CPA5: variants seen among roughly 807,000 people sequenced by gnomAD.
CPA5 encodes the protein carboxypeptidase A5, also known as testicular tissue protein Li 32.
CPA5 carries 38 observed loss-of-function variants against 52.2 expected under a neutral mutation model. That is an observed-to-expected ratio of 0.73 (90% CI 0.56 to 0.95). The LOEUF (loss-of-function observed/expected upper bound fraction) is 0.95. Ranked by LOEUF, CPA5 falls within the 40% of genes least tolerant of loss-of-function variation. The pLI is 0.00. For synonymous variants in CPA5, 198 were observed against 213.7 expected, an observed-to-expected ratio of 0.93 and a Z score of 0.64; for missense variants, 519 against 566.7, an observed-to-expected ratio of 0.92 and a Z score of 0.86.
intron 12 of CPA5, 64 bp downstream of exon 12, chr7:130,368,054 G>C: frequency 2.0e-6 from 3 of 1,473,988 alleles, no homozygotes; most frequent in Non-Finnish European, 2.8e-6. Context: ...CTGCAGGGCA[G>C]TGCCAAGGAT....
At chr7:130,358,822 G>A (rs1554405834) in intron 5 of CPA5, among the ~76,000 whole-genome samples, 1 of 152,182 alleles carries the variant, frequency 6.6e-6, no homozygotes, top group Admixed American at 6.5e-5. Flanking sequence ...GTGAGTGAGT[G>A]GTTAACCCAA....
In CPA5 at chr7:130,350,062, C is replaced by G. The variant is rs1795036033; in HGVS notation, c.286C>G (p.Leu96Val). 6.2e-7 allele frequency: 1 copy of G among 1,614,042 alleles called. No homozygotes were observed. ...FSELKDIKAY[L>V]ESHGLAYSIM... ...TGAACTGAAAGACATCAAAGCTTAT[C>G]TGGAGTCTCATGGACTTGCTTACAG... The change falls in exon 5 of 13, where the codon CTG (leucine) becomes GTG (valine). Residue 96 changes from leucine (L) to valine (V), a missense_variant. Transcript: ENST00000474905.
At chr7:130,366,152 C>T (rs531517544) in intron 10 of CPA5, among the ~76,000 whole-genome samples, 52 of 152,184 alleles carry the variant, frequency 3.4e-4, no homozygotes, top group Non-Finnish European at 3.2e-4. Context: ...CCCTCCCACC[C>T]GTGCCTGGCC....
In CPA5 at chr7:130,368,663, A is replaced by C; in HGVS notation, c.*66A>C. ...GGTCTGTGGCTCCTCCCGAAACCCA[A>C]GTTATGCATCCCCATCCCCATGCCC... On this transcript the variant is annotated 3_prime_UTR_variant, in exon 13 of 13. Transcript: ENST00000474905. 1 of 1,519,778 alleles carries C rather than the reference A, an allele frequency of 6.6e-7. No individual in the cohort carries two copies. The highest frequency in any genetic ancestry group is 1.1e-5 in the South Asian group (1 of 88,108). 94.1% of individuals were successfully genotyped at this position (1,519,778 alleles called of 1,614,324 possible).
intron 5 of CPA5, among the ~76,000 whole-genome samples, chr7:130,350,549 T>C (rs1795069208): frequency 6.6e-6 from 1 of 152,146 alleles, no homozygotes; most frequent in Non-Finnish European, 1.5e-5. Flanking sequence ...CTTCAGAGGA[T>C]TGGGAAATGG....
intron 5 of CPA5, among the ~76,000 whole-genome samples, chr7:130,352,968 G>A (rs1210056633): frequency 6.6e-6 from 1 of 151,918 alleles, no homozygotes; most frequent in South Asian, 2.1e-4. Flanking sequence ...AGATAATTTG[G>A]AAAATAGTGG....
chr7:130,364,054 G>A (rs1554407575), intron 10 of CPA5, among the ~76,000 whole-genome samples: 1 of 152,012 alleles, frequency 6.6e-6, no homozygotes, highest in Non-Finnish European at 1.5e-5. Flanking sequence ...TTGAGACAAG[G>A]TCTCACTCTG....
At chr7:130,373,710 A>C (rs1796314967), downstream of CPA5, among the ~76,000 whole-genome samples, 1 of 152,244 alleles carries the variant, frequency 6.6e-6, no homozygotes, top group Non-Finnish European at 1.5e-5. Context: ...CCCTTTAGGA[A>C]AACAAGAAGG....
intron 6 of CPA5, among the ~76,000 whole-genome samples, chr7:130,360,648 G>A (rs1795743551): frequency 1.3e-5 from 2 of 152,220 alleles, no homozygotes; most frequent in Non-Finnish European, 2.9e-5. Flanking sequence ...GAAAGAACAA[G>A]AGAATGAAAT....
chr7:130,363,368 T>C, intron 9 of CPA5, 51 bp from the exon 10 acceptor site: 1 of 1,470,112 alleles, frequency 6.8e-7, no homozygotes, highest in Admixed American at 2.0e-5. Context: ...GAGGCTCCCA[T>C]CCCTGGGAAT....
In CPA5 at chr7:130,367,517, G is replaced by A. The variant is rs1352380933; in HGVS notation, c.984G>A (p.Met328Ile). 2 of 1,614,044 alleles carry A rather than the reference G, an allele frequency of 1.2e-6. No individual in the cohort carries two copies. Among genetic ancestry groups the A allele is most frequent in the African/African-American group, 2.7e-5 (2 of 74,926 alleles). Reference sequence around the variant, plus strand: ...TCTCCATCCACAGCTACTCTCAGATGCTTATGTACCCTTACGGCCGATTGC... The same window carrying A: ...TCTCCATCCACAGCTACTCTCAGATACTTATGTACCCTTACGGCCGATTGC... ...ALISIHSYSQ[M>I]LMYPYGRLLE... is the part of the protein sequence containing the mutation. Residue 328 changes from methionine (M) to isoleucine (I), a missense_variant, in exon 11 of 13, where the codon ATG becomes ATA. Transcript: ENST00000474905.
chr7:130,351,374 G>A (rs1554403924), intron 5 of CPA5, among the ~76,000 whole-genome samples: 1 of 152,146 alleles, frequency 6.6e-6, no homozygotes, highest in African/African-American at 2.4e-5. Flanking sequence ...GACACACAGA[G>A]GTCTCTAAAA....
chr7:130,362,543 A>G lies in CPA5; in HGVS notation c.636+4A>G, dbSNP rs1554407050. 5.0e-6 allele frequency: 8 copies of G among 1,607,858 alleles called. No homozygotes were observed. Among genetic ancestry groups the G allele is most frequent in the Non-Finnish European group, 6.8e-6 (8 of 1,174,694 alleles). ...CGGCATCTGGACTGCCAATAAGGTC[A>G]GCATGGACCTGTAGCCAAGGTGCAC... On this transcript the variant is annotated splice_donor_region_variant and intron_variant, in intron 8 of 12. Coordinates refer to ENST00000474905, the MANE Select transcript of CPA5 (RefSeq NM_080385.5).
chr7:130,345,626 ACTGT>A (rs1268246533), intron 1 of CPA5: 1 of 152,192 alleles, frequency 6.6e-6, no homozygotes, highest in Non-Finnish European at 1.5e-5. Context: ...CAGAAAACCC[ACTGT>A]CTGTGCTAGC....
chr7:130,359,802 C>CA (rs782092792), intron 6 of CPA5, 115 bp downstream of exon 6: 2 of 676,444 alleles, frequency 3.0e-6, no homozygotes, highest in Non-Finnish European at 5.2e-6. Flanking sequence ...CTGTGACTGA[C>CA]ACTTAGGGAC....
Position 130,362,480 on chromosome 7 carries a change from A to G in CPA5, c.577A>G (p.Thr193Ala). ...TCGGCACCCAGCCATCTGGATTGAC[A>G]CTGGAATTCACTCCCGGGAGTGGAT... ...GSRHPAIWIDTGIHSREWITH... is the reference protein window; with the variant it reads ...GSRHPAIWIDAGIHSREWITH... The change falls in exon 8 of 13, where the codon ACT becomes GCT. Residue 193 changes from threonine (T) to alanine (A), a missense_variant. Coordinates refer to ENST00000474905, the MANE Select transcript of CPA5 (RefSeq NM_080385.5). 6.2e-7 allele frequency: 1 copy of G among 1,613,582 alleles called. No homozygotes were observed. The highest frequency in any genetic ancestry group is 8.5e-7 in the Non-Finnish European group (1 of 1,179,630).
chr7:130,363,876 G>A (rs1795932838), intron 10 of CPA5, among the ~76,000 whole-genome samples: 1 of 152,154 alleles, frequency 6.6e-6, no homozygotes, highest in Admixed American at 6.5e-5. Context: ...AGTTTATGGT[G>A]CTCCTAAAAT....
intron 6 of CPA5, among the ~76,000 whole-genome samples, chr7:130,360,298 ATGGGTGCTGGGG>A (rs1554406276): frequency 6.6e-6 from 1 of 152,232 alleles, no homozygotes; most frequent in Non-Finnish European, 1.5e-5. Flanking sequence ...GGCCCCAGCC[ATGGGTGCTGGGG>A]TATATAATAT....
At chr7:130,357,952 C>CTCTGTG (rs1795575174) in intron 5 of CPA5, among the ~76,000 whole-genome samples, 1 of 139,930 alleles carries the variant, frequency 7.1e-6, no homozygotes, top group South Asian at 2.5e-4. Context: ...TTTTGTGCCT[C>CTCTGTG]TGTGTGTGTG....
Sources: gnomAD v4.1 joint callset for allele counts (sites outside exome capture counted in the v4.1 genomes callset) on GRCh38, gnomAD v4.1.1 for gene constraint, MANE v1.5 for transcripts, NCBI Gene and HGNC (gene_info 2026-07-23, HGNC 2026-07-21) for gene names.